The following GRIA1 variants were observed in gnomAD, a reference collection of about 807,000 sequenced individuals.
The protein encoded by GRIA1 is glutamate ionotropic receptor AMPA type subunit 1, also known as glutamate receptor 1.
In GRIA1, 31 loss-of-function variants were observed where a neutral mutation model predicts 99.2. The observed-to-expected ratio is 0.31, with a 90% CI of 0.23 to 0.42. The LOEUF is 0.42. Ranked by LOEUF, GRIA1 falls within the 10% of genes least tolerant of loss-of-function variation. GRIA1 has a pLI of 1.00. For missense variants in GRIA1, 782 were observed against 1,157.5 expected (o/e 0.68, Z 4.71); for synonymous variants, 438 against 432.4 (o/e 1.01, Z -0.16).
At chr5:153,762,046 G>C (rs1763221290) in intron 11 of GRIA1, among the ~76,000 whole-genome samples, 1 of 152,188 alleles carries the variant, frequency 6.6e-6, no homozygotes, top group Non-Finnish European at 1.5e-5. Flanking sequence ...GAAGAGATTT[G>C]TGAACAGGTG....
chr5:153,492,542 G>A (rs1561581454), intron 1 of GRIA1, among the ~76,000 whole-genome samples: 2 of 152,118 alleles, frequency 1.3e-5, no homozygotes. Flanking sequence ...TAAAATGGGA[G>A]CACTTGTACA....
rs149731111 is a variant in GRIA1, at chr5:153,665,486, A to T, written c.700-9014A>T. ...TACCCTCTGTGTTACCAGAGATTAT[A>T]TAGGGAGAGGACACCTTAAAGGTTT... On this transcript the variant is annotated intron_variant, in intron 5 of 15. Transcript: ENST00000285900. Among the ~76,000 whole-genome samples the T allele has an allele frequency of 8.0e-3, 1,213 of 152,348 alleles. 8 individuals are homozygous for T. Among genetic ancestry groups the T allele is most frequent in the Non-Finnish European group, 0.014 (954 of 68,040 alleles).
intron 14 of GRIA1, among the ~76,000 whole-genome samples, chr5:153,797,240 AC>A (rs1191050687): frequency 6.6e-6 from 1 of 152,180 alleles, no homozygotes; most frequent in Non-Finnish European, 1.5e-5. Flanking sequence ...CCTGGAGAGA[AC>A]CAGTGACTTC....
chr5:153,698,811 C>A, intron 9 of GRIA1, 56 bp from the exon 10 acceptor site: 1 of 1,160,714 alleles, frequency 8.6e-7, no homozygotes, highest in Non-Finnish European at 1.3e-6. Context: ...AAAGTCCTCC[C>A]TACCCATGGG....
At chr5:153,740,846 T>C (rs1281812585) in intron 11 of GRIA1, among the ~76,000 whole-genome samples, 3 of 152,166 alleles carry the variant, frequency 2.0e-5, no homozygotes, top group Admixed American at 6.5e-5. Context: ...TCTGTCATTC[T>C]TAGCCCCAGG....
chr5:153,644,383 G>T (rs1753984933), intron 2 of GRIA1, among the ~76,000 whole-genome samples: 1 of 152,140 alleles, frequency 6.6e-6, no homozygotes, highest in African/African-American at 2.4e-5. Context: ...CCAGGCAGGG[G>T]AGCAACTAGT....
At chr5:153,501,675 G>A (rs1183080799) in intron 2 of GRIA1, among the ~76,000 whole-genome samples, 1 of 152,200 alleles carries the variant, frequency 6.6e-6, no homozygotes, top group African/African-American at 2.4e-5. Context: ...CAATGGCCTT[G>A]TTTCTTTACT....
intron 1 of GRIA1, among the ~76,000 whole-genome samples, chr5:153,492,876 A>T (rs895730724): frequency 6.6e-6 from 1 of 152,180 alleles, no homozygotes; most frequent in African/African-American, 2.4e-5. Context: ...TATTTGTGTG[A>T]TCTGTAACAA....
rs370782311 is a variant in GRIA1, at chr5:153,647,037, G to A, written c.330G>A (p.Thr110=). The A allele has an allele frequency of 9.9e-6, 16 of 1,613,896 alleles. 1 individual carries two copies. The highest frequency in any genetic ancestry group is 1.6e-4 in the Middle Eastern group (1 of 6,062). Residue 110 remains threonine, a synonymous_variant, in exon 3 of 16, where the codon ACG becomes ACA. Transcript: ENST00000285900. ...GGGCCCTCCACGTCTGCTTCATTACGCCGAGCTTTCCCGTTGATACATCCA... is the reference window on the plus strand; with the variant it reads ...GGGCCCTCCACGTCTGCTTCATTACACCGAGCTTTCCCGTTGATACATCCA... ...FCGALHVCFI[T]PSFPVDTSNQ... is the part of the protein sequence containing the mutation.
Position 153,576,056 on chromosome 5 carries a change from T to C in GRIA1, c.221-70872T>C, listed in dbSNP as rs1480920506. On this transcript the variant is annotated intron_variant, in intron 2 of 15. Coordinates refer to ENST00000285900, the MANE Select transcript of GRIA1 (RefSeq NM_000827.4). ...AACTGGAATCTGAATACCTAGTTTTTATTTCTACTTCTACCGCTTGTTAGT... is the reference window on the plus strand; with the variant it reads ...AACTGGAATCTGAATACCTAGTTTTCATTTCTACTTCTACCGCTTGTTAGT... Among the ~76,000 whole-genome samples, 34 of 152,234 alleles carry C rather than the reference T, an allele frequency of 2.2e-4. 1 individual carries two copies. The highest frequency in any genetic ancestry group is 2.2e-3 in the Admixed American group (34 of 15,282).
At chr5:153,586,039 C>T (rs911773745) in intron 2 of GRIA1, among the ~76,000 whole-genome samples, 1 of 152,020 alleles carries the variant, frequency 6.6e-6, no homozygotes, top group Admixed American at 6.6e-5. Context: ...ATGGCTGATT[C>T]AATAGTTCAA....
chr5:153,642,381 G>C (rs1159496276), intron 2 of GRIA1, among the ~76,000 whole-genome samples: 3 of 152,198 alleles, frequency 2.0e-5, no homozygotes, highest in Non-Finnish European at 4.4e-5. Flanking sequence ...CTTTGGCACA[G>C]TGTCTGGCAC....
intron 11 of GRIA1, among the ~76,000 whole-genome samples, chr5:153,727,090 A>T (rs1760603586): frequency 6.6e-6 from 1 of 152,166 alleles, no homozygotes; most frequent in Non-Finnish European, 1.5e-5. Context: ...ATATATGCAA[A>T]TCACTAAATG....
intron 15 of GRIA1, among the ~76,000 whole-genome samples, chr5:153,807,881 A>G (rs903725127): frequency 6.6e-6 from 1 of 152,150 alleles, no homozygotes; most frequent in Non-Finnish European, 1.5e-5. Flanking sequence ...TCTCACCCCC[A>G]CTAGAGATGC....
At position 153,764,486 on chromosome 5, in the gene GRIA1, A is replaced by G; in HGVS notation, c.1876A>G (p.Ile626Val). The G allele has an allele frequency of 6.2e-7, 1 of 1,614,022 alleles. No individual in the cohort carries two copies. The highest frequency in any genetic ancestry group is 8.5e-7 in the Non-Finnish European group (1 of 1,179,946). Reference sequence around the variant, plus strand: ...CGTCTGGTGGTTCTTCACCTTAATCATCATCTCCTCATATACAGCCAATCT... The same window carrying G: ...CGTCTGGTGGTTCTTCACCTTAATCGTCATCTCCTCATATACAGCCAATCT... ...GGVWWFFTLI[I>V]ISSYTANLAA... Residue 626 changes from isoleucine (I) to valine (V), a missense_variant, in exon 12 of 16, where the codon ATC (isoleucine) becomes GTC (valine). Ile to Val is a conservative substitution (Grantham distance 29). Transcript: ENST00000285900.
At chr5:153,589,926 A>G (rs1214377160) in intron 2 of GRIA1, among the ~76,000 whole-genome samples, 1 of 152,170 alleles carries the variant, frequency 6.6e-6, no homozygotes, top group Non-Finnish European at 1.5e-5. Context: ...CACAGAATCA[A>G]TGTGATTGCA....
intron 2 of GRIA1, among the ~76,000 whole-genome samples, chr5:153,509,990 A>AAG (rs1282642283): frequency 5.9e-5 from 9 of 152,180 alleles, no homozygotes; most frequent in African/African-American, 2.2e-4. Flanking sequence ...AGATCTCTAG[A>AAG]TCTAAAGTCT....
chr5:153,736,877 A>T (rs1761414358), intron 11 of GRIA1, among the ~76,000 whole-genome samples: 1 of 152,158 alleles, frequency 6.6e-6, no homozygotes, highest in South Asian at 2.1e-4. Context: ...AAAATACTCA[A>T]TTTGGTTGGA....
chr5:153,632,187 G>C (rs1016367296), intron 2 of GRIA1, among the ~76,000 whole-genome samples: 2 of 152,174 alleles, frequency 1.3e-5, no homozygotes, highest in African/African-American at 4.8e-5. Context: ...GTGGAGGCAG[G>C]GATGAATTAA....
Sources: gnomAD v4.1 joint callset for allele counts (sites outside exome capture counted in the v4.1 genomes callset) on GRCh38, gnomAD v4.1.1 for gene constraint, MANE v1.5 for transcripts, NCBI Gene and HGNC (gene_info 2026-07-23, HGNC 2026-07-21) for gene names.